The following BMP7 variants were observed in gnomAD, a reference collection of about 807,000 sequenced individuals.
BMP7 encodes the protein bone morphogenetic protein 7, also known as osteogenic protein 1.
In BMP7, 12 loss-of-function variants were observed where a neutral mutation model predicts 41.2. The observed-to-expected ratio is 0.29, with a 90% CI of 0.19 to 0.47. The LOEUF is 0.47. BMP7 is among the 20% of genes least tolerant of loss of function. The probability of loss-of-function intolerance (pLI) is 0.99; values close to 1 mark genes in which losing one functional copy is unlikely to be tolerated. For missense variants in BMP7, 467 were observed against 606.0 expected (o/e 0.77, Z 2.41); for synonymous variants, 248 against 250.0 (o/e 0.99, Z 0.07).
At chr20:57,186,454 T>C (rs1286253529) in intron 3 of BMP7, among the ~76,000 whole-genome samples, 1 of 152,206 alleles carries the variant, frequency 6.6e-6, no homozygotes, top group Non-Finnish European at 1.5e-5. Flanking sequence ...ATACCATGTC[T>C]GGGGGTGATG....
chr20:57,263,423 G>A (rs1027551457), intron 1 of BMP7, among the ~76,000 whole-genome samples: 1 of 152,192 alleles, frequency 6.6e-6, no homozygotes, highest in Admixed American at 6.5e-5. Flanking sequence ...CAAATAGCCC[G>A]CACCAAAGTT....
intron 4 of BMP7, among the ~76,000 whole-genome samples, chr20:57,183,362 C>T (rs1984129059): frequency 6.8e-6 from 1 of 146,226 alleles, no homozygotes; most frequent in Admixed American, 7.1e-5. Flanking sequence ...CTCCCCATTT[C>T]TTCCTCCCCC....
intron 3 of BMP7, among the ~76,000 whole-genome samples, chr20:57,191,549 C>T (rs1407330627): frequency 2.6e-5 from 4 of 151,746 alleles, no homozygotes; most frequent in Non-Finnish European, 5.9e-5. Flanking sequence ...CTAAAAACCC[C>T]GTGTTAGTAG....
chr20:57,262,532 G>C (rs1248303777), intron 1 of BMP7, among the ~76,000 whole-genome samples: 2 of 152,192 alleles, frequency 1.3e-5, no homozygotes, highest in Non-Finnish European at 2.9e-5. Context: ...TGAATTCCAA[G>C]AACGACTTAT....
intron 2 of BMP7, among the ~76,000 whole-genome samples, chr20:57,216,559 T>TCTCCTGAGGGTGAGGGGCTGC (rs1985033016): frequency 1.4e-4 from 21 of 145,514 alleles, no homozygotes; most frequent in Non-Finnish European, 2.5e-4. Context: ...CGAGGGGCTG[T>TCTCCTGAGGGTGAGGGGCTGC]CTCCTGAGGG....
intron 1 of BMP7, among the ~76,000 whole-genome samples, chr20:57,254,211 C>T (rs976848302): frequency 2.6e-5 from 4 of 151,632 alleles, no homozygotes; most frequent in South Asian, 2.1e-4. Context: ...TTAGTAGAAA[C>T]GGGGTTTCAC....
chr20:57,249,097 G>A (rs967899967), intron 1 of BMP7, among the ~76,000 whole-genome samples: 5 of 151,920 alleles, frequency 3.3e-5, no homozygotes, highest in South Asian at 2.1e-4. Flanking sequence ...CACCACGCCC[G>A]GCTGACTGCT....
chr20:57,175,249 T>G (rs1983897402), intron 4 of BMP7, among the ~76,000 whole-genome samples: 1 of 152,220 alleles, frequency 6.6e-6, no homozygotes, highest in African/African-American at 2.4e-5. Context: ...TGTAGTCTTA[T>G]CCCATAATAC....
chr20:57,235,068 C>T (rs1197108233), intron 1 of BMP7, among the ~76,000 whole-genome samples: 1 of 152,230 alleles, frequency 6.6e-6, no homozygotes, highest in Non-Finnish European at 1.5e-5. Flanking sequence ...GACTGCCTTC[C>T]TAACACCCAA....
rs1431628195 is a variant in BMP7, at chr20:57,266,118, T to C, written c.5A>G (p.His2Arg). ...CGCCGCAGCTCGCAGTGAGCGCACG[T>C]GCATCGCGCCGGCTCTACGCGCTAC... is the stretch of plus-strand genomic sequence containing the variant. MHVRSLRAAAPH... is the reference protein window; with the variant it reads MRVRSLRAAAPH... The change falls in exon 1 of 7, where the codon CAC becomes CGC. Residue 2 changes from histidine to arginine, a missense_variant. His to Arg is a conservative substitution (Grantham distance 29). Around this residue, in one of 2 missense-constraint regions of BMP7, gnomAD observed 407 missense variants for 485.9 expected, o/e 0.84. Coordinates refer to ENST00000395863, the MANE Select transcript of BMP7 (RefSeq NM_001719.3). 5 of 1,531,908 alleles carry C rather than the reference T, an allele frequency of 3.3e-6. No individual in the cohort carries two copies. The highest frequency in any genetic ancestry group is 3.5e-6 in the Non-Finnish European group (4 of 1,144,478). The allele number at this position is 1,531,908 out of a possible 1,614,324, so 94.9% of individuals were successfully genotyped here. A position where few individuals can be genotyped will look rare whatever the true frequency, so the allele number is the denominator to read the frequency against.
At position 57,204,335 on chromosome 20, in the gene BMP7, C is replaced by A. The variant is rs192246603; in HGVS notation, c.612-1712G>T. Among the ~76,000 whole-genome samples, 126 of 152,324 alleles carry A rather than the reference C, an allele frequency of 8.3e-4. 2 individuals are homozygous for A. The highest frequency in any genetic ancestry group is 5.6e-3 in the Admixed American group (86 of 15,306). On this transcript the variant is annotated intron_variant, in intron 2 of 6. Coordinates refer to ENST00000395863, the MANE Select transcript of BMP7 (RefSeq NM_001719.3). ...ATCTTCCTGTCTGACCTGGACAACT[C>A]TAGGTTTGTGAGGTCTGCTAGATCA... is the stretch of plus-strand genomic sequence containing the variant.
chr20:57,188,877 G>A (rs1984283839), intron 3 of BMP7, among the ~76,000 whole-genome samples: 1 of 152,230 alleles, frequency 6.6e-6, no homozygotes. Context: ...CCTTTGAGCT[G>A]GTCCACGGCA....
chr20:57,211,944 G>C (rs1984895618), intron 2 of BMP7, among the ~76,000 whole-genome samples: 1 of 152,184 alleles, frequency 6.6e-6, no homozygotes, highest in Non-Finnish European at 1.5e-5. Context: ...CGGTCACTGG[G>C]CTCAGCAGCT....
At chr20:57,184,247 G>A (rs1179445319) in intron 3 of BMP7, among the ~76,000 whole-genome samples, 1 of 152,172 alleles carries the variant, frequency 6.6e-6, no homozygotes, top group Non-Finnish European at 1.5e-5. Flanking sequence ...ACATTCCATT[G>A]GCCAAAGCAG....
chr20:57,209,247 TTTTATA>T lies in BMP7; in HGVS notation c.612-6630_612-6625del, dbSNP rs1332732108. ...TAAACAAATACCTAGATTTATATAT[TTTTATA>T]TATATATATATATATATATATATAT... is the stretch of plus-strand genomic sequence containing the variant. On this transcript the variant is annotated intron_variant, in intron 2 of 6. Coordinates refer to ENST00000395863, the MANE Select transcript of BMP7 (RefSeq NM_001719.3). Among the ~76,000 whole-genome samples, 184 of 69,856 alleles carry T rather than the reference TTTTATA, an allele frequency of 2.6e-3. 1 individual carries two copies. Among genetic ancestry groups the T allele is most frequent in the African/African-American group, 8.4e-3 (163 of 19,318 alleles). 45.8% of individuals were successfully genotyped at this position (69,856 alleles called of 152,430 possible). A position where few individuals can be genotyped will look rare whatever the true frequency, so the allele number is the denominator to read the frequency against.
At chr20:57,197,837 G>A (rs1984529971) in intron 3 of BMP7, among the ~76,000 whole-genome samples, 3 of 152,206 alleles carry the variant, frequency 2.0e-5, no homozygotes, top group African/African-American at 4.8e-5. Context: ...AGTAGCTGCT[G>A]AGACCACACA....
rs1240668576 is a variant in BMP7, at chr20:57,201,231, C to T, written c.760+1244G>A. On this transcript the variant is annotated intron_variant, in intron 3 of 6. Coordinates refer to ENST00000395863, the MANE Select transcript of BMP7 (RefSeq NM_001719.3). ...ATAACCCATTACATCTTGTAACAAC[C>T]CAATGGCCCAAATCCTCTCATCACC... Among the ~76,000 whole-genome samples the T allele has an allele frequency of 1.3e-5, 2 of 152,194 alleles. 1 individual carries two copies. The highest frequency in any genetic ancestry group is 2.9e-5 in the Non-Finnish European group (2 of 68,030).
intron 1 of BMP7, among the ~76,000 whole-genome samples, chr20:57,241,073 C>T (rs2066067083): frequency 6.6e-6 from 1 of 152,170 alleles, no homozygotes; most frequent in Non-Finnish European, 1.5e-5. Context: ...ATCGTGCTCA[C>T]TTTCCAGATG....
At chr20:57,236,460 TG>T (rs1414652811) in intron 1 of BMP7, among the ~76,000 whole-genome samples, 1 of 152,184 alleles carries the variant, frequency 6.6e-6, no homozygotes, top group African/African-American at 2.4e-5. Context: ...ATGCTCAAGC[TG>T]GGAGCTGTTG....
Sources: allele counts gnomAD v4.1 joint callset (sites outside exome capture counted in the v4.1 genomes callset), GRCh38; gene constraint gnomAD v4.1.1; regional missense constraint gnomAD v4.1.1; transcripts MANE v1.5; gene names NCBI Gene and HGNC (gene_info 2026-07-23, HGNC 2026-07-21).